ZNF804B: variants seen among roughly 807,000 people sequenced by gnomAD.
The protein encoded by ZNF804B is zinc finger 804B.
A neutral mutation model predicts 101.4 loss-of-function variants in ZNF804B; 80 were observed. The ratio of observed to expected loss-of-function variants is 0.79; its 90% confidence interval spans 0.66 to 0.95. The LOEUF (loss-of-function observed/expected upper bound fraction) is 0.95, where lower values mean the gene tolerates loss of function less well. Ranked by LOEUF, ZNF804B falls within the 40% of genes least tolerant of loss-of-function variation. The pLI is 0.00. For synonymous variants in ZNF804B, 622 were observed against 558.8 expected (o/e 1.11, Z -1.59); for missense variants, 1,673 against 1,561.9 (o/e 1.07, Z -1.20).
At chr7:88,871,029 T>A (rs925970362) in intron 1 of ZNF804B, among the ~76,000 whole-genome samples, 4 of 152,250 alleles carry the variant, frequency 2.6e-5, no homozygotes, top group South Asian at 2.1e-4. Context: ...TTTCAAAAAA[T>A]TTTTCTATTA....
chr7:88,875,413 C>T (rs1176337350), intron 1 of ZNF804B, among the ~76,000 whole-genome samples: 1 of 151,828 alleles, frequency 6.6e-6, no homozygotes, highest in African/African-American at 2.4e-5. Flanking sequence ...AAACTGCTAG[C>T]AAGACTAATA....
intron 1 of ZNF804B, among the ~76,000 whole-genome samples, chr7:88,957,440 A>G (rs1246702856): frequency 6.6e-6 from 1 of 151,456 alleles, no homozygotes; most frequent in Non-Finnish European, 1.5e-5. Context: ...TTATACACTG[A>G]TACAGTATCA....
intron 1 of ZNF804B, among the ~76,000 whole-genome samples, chr7:88,989,535 G>C (rs1443185336): frequency 6.6e-6 from 1 of 151,954 alleles, no homozygotes; most frequent in Non-Finnish European, 1.5e-5. Flanking sequence ...CTAACCAAAG[G>C]CCTCAGAATG....
chr7:88,799,238 A>C (rs1402844157), intron 1 of ZNF804B, among the ~76,000 whole-genome samples: 1 of 152,114 alleles, frequency 6.6e-6, no homozygotes, highest in Admixed American at 6.6e-5. Flanking sequence ...TAAAACAATT[A>C]AATACCATTT....
intron 2 of ZNF804B, among the ~76,000 whole-genome samples, chr7:89,228,816 G>T (rs1789138371): frequency 6.6e-6 from 1 of 152,158 alleles, no homozygotes; most frequent in Non-Finnish European, 1.5e-5. Flanking sequence ...ATGGAGCAGG[G>T]GGTGGCACTC....
chr7:88,991,427 T>C (rs1793844408), intron 1 of ZNF804B, among the ~76,000 whole-genome samples: 1 of 152,140 alleles, frequency 6.6e-6, no homozygotes, highest in Non-Finnish European at 1.5e-5. Context: ...CAGTGGATGA[T>C]GTATATGCCC....
chr7:89,159,786 C>T (rs745965420), intron 1 of ZNF804B, among the ~76,000 whole-genome samples: 3 of 152,072 alleles, frequency 2.0e-5, no homozygotes, highest in Non-Finnish European at 2.9e-5. Context: ...AAAATAACTC[C>T]GCATCTATGG....
At chr7:89,238,203 T>C (rs899797064) in intron 2 of ZNF804B, among the ~76,000 whole-genome samples, 2 of 152,036 alleles carry the variant, frequency 1.3e-5, no homozygotes, top group African/African-American at 4.8e-5. Context: ...AATGAGGGAA[T>C]GTTTATAGAA....
rs1335487774 is a variant in ZNF804B, at chr7:88,760,083, C to T, written c.107C>T (p.Pro36Leu). The T allele has an allele frequency of 2.5e-6, 4 of 1,612,936 alleles. No homozygotes were observed. The highest frequency in any genetic ancestry group is 3.4e-6 in the Non-Finnish European group (4 of 1,178,906). Reference sequence around the variant, plus strand: ...CTGTGCAAGAACGGATCTCCCTCTCCGGTAATGTGCGCGCGCACACACATA... The same window carrying T: ...CTGTGCAAGAACGGATCTCCCTCTCTGGTAATGTGCGCGCGCACACACATA... ...GPLCKNGSPS[P>L]DFAEKKSTAK... Residue 36 changes from proline to leucine, a missense_variant and splice_region_variant, in exon 1 of 4, where the codon CCG becomes CTG. Coordinates refer to ENST00000333190, the MANE Select transcript of ZNF804B (RefSeq NM_181646.5).
chr7:89,007,498 TAATAC>T (rs1788384748), intron 1 of ZNF804B, among the ~76,000 whole-genome samples: 42 of 33,278 alleles, frequency 1.3e-3, no homozygotes, highest in African/African-American at 2.2e-3. Context: ...CAACCTAATA[TAATAC>T]ATATAATTAT....
At chr7:88,833,455 C>G (rs1791162286) in intron 1 of ZNF804B, among the ~76,000 whole-genome samples, 1 of 151,782 alleles carries the variant, frequency 6.6e-6, no homozygotes, top group South Asian at 2.1e-4. Context: ...TTACATGTAT[C>G]TGACATGTTG....
chr7:89,046,793 ATT>A (rs200208824), intron 1 of ZNF804B, among the ~76,000 whole-genome samples: 3 of 150,690 alleles, frequency 2.0e-5, no homozygotes, highest in African/African-American at 2.4e-5. Flanking sequence ...ATTACTTATC[ATT>A]TTTTTTTAGA....
chr7:89,184,126 A>T (rs1048968291), intron 1 of ZNF804B, among the ~76,000 whole-genome samples: 1 of 152,150 alleles, frequency 6.6e-6, no homozygotes, highest in Non-Finnish European at 1.5e-5. Flanking sequence ...GCCCTTAGAG[A>T]TGGCCTACTT....
At chr7:89,171,417 T>C (rs1008963084) in intron 1 of ZNF804B, among the ~76,000 whole-genome samples, 29 of 93,716 alleles carry the variant, frequency 3.1e-4, no homozygotes, top group African/African-American at 1.0e-3. Flanking sequence ...TTCTTCTTCT[T>C]CTCCTTCTCC....
At chr7:89,111,676 T>C (rs989183393) in intron 1 of ZNF804B, among the ~76,000 whole-genome samples, 3 of 152,188 alleles carry the variant, frequency 2.0e-5, no homozygotes, top group Non-Finnish European at 4.4e-5. Flanking sequence ...CTTTCCTTAA[T>C]TTTAAGTTTC....
At chr7:88,982,768 C>T (rs537234906) in intron 1 of ZNF804B, among the ~76,000 whole-genome samples, 1 of 152,136 alleles carries the variant, frequency 6.6e-6, no homozygotes, top group South Asian at 2.1e-4. Flanking sequence ...ATATCACCCA[C>T]ATTATGACAG....
intron 1 of ZNF804B, among the ~76,000 whole-genome samples, chr7:89,172,491 C>T (rs188385080): frequency 3.3e-5 from 5 of 152,104 alleles, no homozygotes; most frequent in African/African-American, 9.7e-5. Context: ...TGATTCTTCT[C>T]GCCTATGAAA....
At chr7:88,807,015 T>C (rs1350058436) in intron 1 of ZNF804B, among the ~76,000 whole-genome samples, 2 of 152,184 alleles carry the variant, frequency 1.3e-5, no homozygotes, top group Non-Finnish European at 2.9e-5. Flanking sequence ...CTAGTGTATA[T>C]CTTCTCTGCC....
At chr7:89,238,585 G>A (rs2115756503) in intron 2 of ZNF804B, among the ~76,000 whole-genome samples, 1 of 152,258 alleles carries the variant, frequency 6.6e-6, no homozygotes, top group African/African-American at 2.4e-5. Flanking sequence ...ATTTTCTGTG[G>A]GGTGCAGTTA....
Sources: allele counts gnomAD v4.1 joint callset (sites outside exome capture counted in the v4.1 genomes callset), GRCh38; gene constraint gnomAD v4.1.1; transcripts MANE v1.5; gene names NCBI Gene and HGNC (gene_info 2026-07-23, HGNC 2026-07-21).